Variants in POLR1C observed in about 807,000 individuals in gnomAD.
The protein encoded by POLR1C is RNA polymerase I and III subunit C.
A neutral mutation model predicts 38.3 loss-of-function variants in POLR1C; 42 were observed. The ratio of observed to expected loss-of-function variants is 1.10; its 90% confidence interval spans 0.86 to 1.42. The LOEUF is 1.42. POLR1C is among the 40% of genes most tolerant of loss of function. POLR1C has a pLI of 0.00. For synonymous variants in POLR1C, 163 were observed against 163.9 expected (o/e 0.99, Z 0.04); for missense variants, 507 against 450.5 (o/e 1.13, Z -1.14).
chr6:43,539,841 TTAAC>T (rs1207099013), intron 9 of POLR1C: 1 of 521,548 alleles, frequency 1.9e-6, no homozygotes. Context: ...TTGGTCTAAT[TTAAC>T]TACTACCAAT....
Position 43,520,989 on chromosome 6 carries a change from TC to T in POLR1C, c.865del (p.Arg289GlyfsTer5). Reference protein sequence around the residue: ...PRLDTFSREIFRNEKLKKVVR... With the variant: ...PRLDTFSREIXRNEKLKKVVR... ...CTGGATACCTTCAGCAGAGAAATCTTCCGGAATGAGAAGCTAAAGAAGGTTG... is the reference window on the plus strand; with the variant it reads ...CTGGATACCTTCAGCAGAGAAATCTTCGGAATGAGAAGCTAAAGAAGGTTG... On this transcript the variant is annotated frameshift_variant, in exon 8 of 9. Coordinates refer to ENST00000642195, the MANE Select transcript of POLR1C (RefSeq NM_203290.4). LOFTEE classifies it high-confidence loss of function. 6.2e-7 allele frequency: 1 copy of T among 1,614,142 alleles called. No homozygotes were observed. Among genetic ancestry groups the T allele is most frequent in the East Asian group, 2.2e-5 (1 of 44,886 alleles).
At chr6:43,530,767 C>T (rs1157799913), downstream of POLR1C, 5 of 1,613,806 alleles carry the variant, frequency 3.1e-6, no homozygotes, top group Non-Finnish European at 4.2e-6. Context: ...TAGCAAGGTC[C>T]TCCACAGTAT....
chr6:43,561,685 A>T (rs115753497), exon 11 of POLR1C: 2,657 of 153,128 alleles, frequency 0.017, 94 homozygotes, highest in African/African-American at 0.06. Flanking sequence ...GGCCCCCTCA[A>T]TGGTTGCTTA....
chr6:43,543,467 A>G (rs1478305760), intron 9 of POLR1C, among the ~76,000 whole-genome samples: 7 of 152,096 alleles, frequency 4.6e-5, no homozygotes, highest in Non-Finnish European at 1.0e-4. Flanking sequence ...GTAAGTAAGT[A>G]AGTAAATAAA....
chr6:43,536,709 A>C (rs1480037410), intron 9 of POLR1C, among the ~76,000 whole-genome samples: 2 of 129,034 alleles, frequency 1.5e-5, no homozygotes. Context: ...GCAGTGAGCC[A>C]AGGTCGCGCC....
chr6:43,537,483 T>A (rs2127715968), intron 9 of POLR1C, among the ~76,000 whole-genome samples: 1 of 152,316 alleles, frequency 6.6e-6, no homozygotes, highest in Middle Eastern at 3.4e-3. Flanking sequence ...ATGGTGTCTG[T>A]CCTCGACAAC....
chr6:43,524,525 C>T, downstream of POLR1C: 1 of 1,613,906 alleles, frequency 6.2e-7, no homozygotes, highest in Non-Finnish European at 8.5e-7. Context: ...GCTTGTCAGC[C>T]ACTTTCTGCA....
intron 2 of POLR1C, 148 bp from the exon 3 acceptor site, chr6:43,519,185 G>C: frequency 1.4e-6 from 1 of 693,034 alleles, no homozygotes; most frequent in Non-Finnish European, 2.6e-6. Flanking sequence ...AACACTGGGC[G>C]AGATAGAATA....
downstream of POLR1C, chr6:43,533,636 A>G (rs1794138934): frequency 1.2e-5 from 3 of 253,402 alleles, no homozygotes; most frequent in Non-Finnish European, 2.4e-5. Context: ...TAAGAGTTCA[A>G]GACCAGCCTG....
Position 43,519,438 on chromosome 6 carries a change from G to T in POLR1C, c.247G>T (p.Glu83Ter). ...ANAFRRILLAEVPTMAVEKVL... is the reference protein window; with the variant it reads ...ANAFRRILLA ...TGCTTTTCGACGAATTCTGCTAGCT[G>T]AGGTATTGGCAGGCATGGTGACAAG... Residue 83 changes from glutamate (E) to a stop codon, truncating the protein, a stop_gained and splice_region_variant, in exon 3 of 9, where the codon GAG (glutamate) becomes TAG (stop). Transcript: ENST00000642195. LOFTEE classifies it high-confidence loss of function. 1 of 1,606,822 alleles carries T rather than the reference G, an allele frequency of 6.2e-7. No individual in the cohort carries two copies. The highest frequency in any genetic ancestry group is 8.5e-7 in the Non-Finnish European group (1 of 1,173,346).
At chr6:43,525,708 T>C (rs1255302781), downstream of POLR1C, 1 of 993,038 alleles carries the variant, frequency 1.0e-6, no homozygotes, top group South Asian at 1.8e-5. Context: ...TTCTGGGGCC[T>C]TTGGAACCAG....
At chr6:43,521,908 T>TGAGA (rs1337048600), downstream of POLR1C, among the ~76,000 whole-genome samples, 1 of 152,126 alleles carries the variant, frequency 6.6e-6, no homozygotes, top group Non-Finnish European at 1.5e-5. Flanking sequence ...CGGGTAACAG[T>TGAGA]GAGACCCTGT....
chr6:43,557,809 A>G (rs1318851989), intron 10 of POLR1C, among the ~76,000 whole-genome samples: 3 of 122,940 alleles, frequency 2.4e-5, no homozygotes, highest in South Asian at 5.4e-4. Flanking sequence ...AAAAAAAAAA[A>G]GGAGGCTGGG....
At chr6:43,553,573 G>A (rs935226083) in intron 10 of POLR1C, 131 of 1,508,128 alleles carry the variant, frequency 8.7e-5, no homozygotes, top group Non-Finnish European at 1.2e-4. Context: ...AAAGATCGCA[G>A]AAGACACAGA....
chr6:43,536,417 CA>C (rs34540299), intron 9 of POLR1C, among the ~76,000 whole-genome samples: 32 of 137,332 alleles, frequency 2.3e-4, no homozygotes, highest in Admixed American at 3.6e-4. Context: ...TCCAACTCGA[CA>C]AAAAAAAAAA....
At chr6:43,549,511 C>A in intron 9 of POLR1C, 1 of 1,612,868 alleles carries the variant, frequency 6.2e-7, no homozygotes, top group African/African-American at 1.3e-5. Flanking sequence ...GGGGTAGTCA[C>A]GACACATCTT....
At chr6:43,553,380 T>C (rs553230160) in intron 10 of POLR1C, 18 of 1,608,588 alleles carry the variant, frequency 1.1e-5, no homozygotes, top group Non-Finnish European at 1.5e-5. Flanking sequence ...TACTTCTCTA[T>C]TTAGTGTTCG....
rs1582183466 is a variant in POLR1C at position 43,520,849 on chromosome 6, T to C, written c.805+75T>C. 2.7e-5 allele frequency: 44 copies of C among 1,600,240 alleles called. 2 individuals carry two copies. The South Asian group carries it at 4.5e-4, about 16-fold the overall frequency. On this transcript the variant is annotated intron_variant, in intron 7 of 8. Coordinates refer to ENST00000642195, the MANE Select transcript of POLR1C (RefSeq NM_203290.4). ...TTCAAGGTGACAGAAATAAAAACCC[T>C]GGGCTCCTAAAAGTATAACCTGGTT...
At chr6:43,524,592 G>A (rs1793427494), downstream of POLR1C, 1 of 1,613,876 alleles carries the variant, frequency 6.2e-7, no homozygotes, top group Non-Finnish European at 8.5e-7. Context: ...CTGTATTTCA[G>A]GGATTTGCTC....
Sources: allele counts gnomAD v4.1 joint callset (sites outside exome capture counted in the v4.1 genomes callset), GRCh38; gene constraint gnomAD v4.1.1; transcripts MANE v1.5; gene names NCBI Gene and HGNC (gene_info 2026-07-23, HGNC 2026-07-21).